Variants in RAD51B observed in about 807,000 individuals in gnomAD.
RAD51B encodes DNA repair protein RAD51 homolog 2.
In RAD51B, 38 loss-of-function variants were observed where a neutral mutation model predicts 42.2. The ratio of observed to expected loss-of-function variants is 0.90; its 90% confidence interval spans 0.70 to 1.18. The LOEUF (loss-of-function observed/expected upper bound fraction) is 1.18. Among genes scored for constraint, RAD51B ranks in the 50% most tolerant of loss-of-function variants. The pLI is 0.00. For missense variants in RAD51B, 373 were observed against 400.7 expected (o/e 0.93, Z 0.59); for synonymous variants, 154 against 145.2 (o/e 1.06, Z -0.43).
chr14:68,039,822 A>G (rs1399851173), intron 7 of RAD51B, among the ~76,000 whole-genome samples: 1 of 152,254 alleles, frequency 6.6e-6, no homozygotes, highest in African/African-American at 2.4e-5. Flanking sequence ...TGTTAAAGGT[A>G]TGACAAATTC....
At chr14:67,997,064 A>AG (rs1261123493) in intron 7 of RAD51B, among the ~76,000 whole-genome samples, 3 of 152,212 alleles carry the variant, frequency 2.0e-5, no homozygotes, top group Non-Finnish European at 4.4e-5. Flanking sequence ...ACAGGTTTAG[A>AG]GGGGAAGAAC....
rs528156682 is a variant in RAD51B, at chr14:68,168,978, G to A, written c.757-122906G>A. ...AAATCCTCTTTTATTCCAGGTCCTA[G>A]GACATAAGCATACACCTCCATCAGA... On this transcript the variant is annotated intron_variant, in intron 7 of 10. Transcript: ENST00000471583. 2.0e-5 allele frequency among the ~76,000 whole-genome samples: 3 copies of A among 152,178 alleles called. No individual in the cohort carries two copies. The South Asian group carries it at 6.2e-4, about 32-fold the overall frequency.
At chr14:68,227,917 A>G (rs1261194867) in intron 7 of RAD51B, among the ~76,000 whole-genome samples, 1 of 152,212 alleles carries the variant, frequency 6.6e-6, no homozygotes, top group Non-Finnish European at 1.5e-5. Flanking sequence ...TTATTATGCC[A>G]TTAATTATTA....
chr14:68,158,029 C>T (rs1368108771), intron 7 of RAD51B, among the ~76,000 whole-genome samples: 1 of 152,070 alleles, frequency 6.6e-6, no homozygotes, highest in African/African-American at 2.4e-5. Flanking sequence ...GAGCTTTTGC[C>T]CTGATTTATC....
intron 8 of RAD51B, among the ~76,000 whole-genome samples, chr14:68,391,136 G>GTCTTTCTTTCTTTCTTTCTTTCTTTCTT (rs36073427): frequency 1.3e-4 from 18 of 141,674 alleles, no homozygotes; most frequent in East Asian, 1.2e-3. Flanking sequence ...TATGAGACTT[G>GTCTTTCTTTCTTTCTTTCTTTCTTTCTT]TCTTTCTTTC....
At chr14:68,545,893 A>C (rs1328626959) in intron 10 of RAD51B, among the ~76,000 whole-genome samples, 2 of 152,170 alleles carry the variant, frequency 1.3e-5, no homozygotes, top group Non-Finnish European at 2.9e-5. Flanking sequence ...GGTAATGAGG[A>C]GCCTCTGAAG....
chr14:68,565,000 G>A (rs767478487), intron 10 of RAD51B, among the ~76,000 whole-genome samples: 3 of 152,158 alleles, frequency 2.0e-5, no homozygotes, highest in Non-Finnish European at 4.4e-5. Flanking sequence ...TCCAGCCTCC[G>A]GCCATAGGTG....
At chr14:68,659,617 G>C (rs1892892929) in intron 11 of RAD51B, among the ~76,000 whole-genome samples, 1 of 152,196 alleles carries the variant, frequency 6.6e-6, no homozygotes, top group South Asian at 2.1e-4. Context: ...ACCGGGGCAA[G>C]CCAAGGGTCG....
At chr14:68,289,848 A>G (rs539041658) in intron 7 of RAD51B, among the ~76,000 whole-genome samples, 2 of 152,326 alleles carry the variant, frequency 1.3e-5, no homozygotes, top group South Asian at 2.1e-4. Context: ...TCACCAGTCT[A>G]TGGAAAGTAG....
At chr14:68,209,765 G>A (rs995201019) in intron 7 of RAD51B, among the ~76,000 whole-genome samples, 3 of 152,110 alleles carry the variant, frequency 2.0e-5, no homozygotes, top group African/African-American at 7.2e-5. Context: ...GAAAGGAATT[G>A]CACTGAGAAA....
At chr14:67,823,061 G>C (rs968405607) in intron 1 of RAD51B, among the ~76,000 whole-genome samples, 1 of 152,190 alleles carries the variant, frequency 6.6e-6, no homozygotes, top group African/African-American at 2.4e-5. Flanking sequence ...ATAAGTTTTG[G>C]AACAGTGCCT....
At chr14:68,674,553 A>G (rs2140158360) in intron 11 of RAD51B, among the ~76,000 whole-genome samples, 1 of 152,086 alleles carries the variant, frequency 6.6e-6, no homozygotes, top group East Asian at 1.9e-4. Flanking sequence ...TTATTTTTTT[A>G]TTTCTATCCT....
rs1454226246 is a variant in RAD51B, at chr14:68,576,968, C to T, written c.1037-17517C>T. Among the ~76,000 whole-genome samples, 3 of 152,160 alleles carry T rather than the reference C, an allele frequency of 2.0e-5. No individual in the cohort carries two copies. In the East Asian group the frequency reaches 5.8e-4, roughly 29 times the overall value. ...TGAAAGCGGAACCAACAGGGGCATT[C>T]CGTTTGTGGTTTGCTGAGATTCCCT... On this transcript the variant is annotated intron_variant, in intron 10 of 10. Coordinates refer to the RAD51B transcript ENST00000487270.
At chr14:68,285,078 CA>C (rs1016225459) in intron 7 of RAD51B, among the ~76,000 whole-genome samples, 3 of 152,198 alleles carry the variant, frequency 2.0e-5, no homozygotes, top group Non-Finnish European at 4.4e-5. Flanking sequence ...TTGGGGCAGA[CA>C]CCGTCATGGT....
chr14:68,468,121 G>T (rs185197382), intron 9 of RAD51B, 51 bp from the exon 10 acceptor site: 77 of 1,492,334 alleles, frequency 5.2e-5, no homozygotes, highest in Non-Finnish European at 3.7e-6. Context: ...GTGAATAGAG[G>T]CCCATCCCTG....
intron 10 of RAD51B, among the ~76,000 whole-genome samples, chr14:68,543,604 T>A (rs2140371347): frequency 6.6e-6 from 1 of 152,278 alleles, no homozygotes; most frequent in Non-Finnish European, 1.5e-5. Flanking sequence ...TGGAACTAGG[T>A]CTTCTAAAAG....
intron 4 of RAD51B, among the ~76,000 whole-genome samples, chr14:67,850,716 T>C (rs1046408456): frequency 1.3e-5 from 2 of 152,114 alleles, no homozygotes; most frequent in East Asian, 3.9e-4. Flanking sequence ...TACCCCTATG[T>C]CAAATGTAGA....
At chr14:68,090,151 A>G (rs1461563337) in intron 7 of RAD51B, among the ~76,000 whole-genome samples, 3 of 152,240 alleles carry the variant, frequency 2.0e-5, no homozygotes, top group Admixed American at 6.5e-5. Flanking sequence ...TGACATGAAC[A>G]TAGAGTCCAT....
chr14:68,662,856 T>C (rs1892960959), intron 11 of RAD51B, among the ~76,000 whole-genome samples: 1 of 152,270 alleles, frequency 6.6e-6, no homozygotes, highest in Non-Finnish European at 1.5e-5. Flanking sequence ...TAATTCATTA[T>C]GCTGGGCATC....
Sources: gnomAD v4.1 joint callset for allele counts (sites outside exome capture counted in the v4.1 genomes callset) on GRCh38, gnomAD v4.1.1 for gene constraint, MANE v1.5 for transcripts, NCBI Gene and HGNC (gene_info 2026-07-23, HGNC 2026-07-21) for gene names.